TMEM132B: variants seen among roughly 807,000 people sequenced by gnomAD.
TMEM132B encodes transmembrane protein 132B.
Under a neutral mutation model 90.8 loss-of-function variants are expected in TMEM132B, and 18 were observed. The ratio of observed to expected loss-of-function variants is 0.20; its 90% CI spans 0.14 to 0.29. The LOEUF (loss-of-function observed/expected upper bound fraction) is 0.29, where lower values mean the gene tolerates loss of function less well. Among genes scored for constraint, TMEM132B ranks in the 10% least tolerant of loss-of-function variants. The probability of loss-of-function intolerance (pLI) is 1.00; values close to 1 mark genes in which losing one functional copy is unlikely to be tolerated. For missense variants in TMEM132B, 1,096 were observed against 1,326.8 expected, an observed-to-expected ratio of 0.83 and a Z score of 2.70; for synonymous variants, 504 against 523.3, an observed-to-expected ratio of 0.96 and a Z score of 0.50.
rs1881225057 is a variant in TMEM132B at position 125,454,079 on chromosome 12, A to G, written c.1106+38402A>G. Among the ~76,000 whole-genome samples the G allele has an allele frequency of 2.6e-5, 4 of 152,094 alleles. No individual in the cohort carries two copies. In the South Asian group the frequency reaches 8.3e-4, roughly 32 times the overall value. On this transcript the variant is annotated intron_variant, in intron 3 of 8. Transcript: ENST00000682704. ...GAGCTTTCAAGTAGGGCCCGTTTTA[A>G]CAGAGATTTCTGGGCTCTGGCTTAG...
intron 3 of TMEM132B, among the ~76,000 whole-genome samples, chr12:125,502,732 C>T (rs577961884): frequency 6.6e-5 from 10 of 152,314 alleles, no homozygotes; most frequent in East Asian, 3.9e-4. Flanking sequence ...GAAGAGCTCA[C>T]GGTTGATCCC....
intron 4 of TMEM132B, among the ~76,000 whole-genome samples, chr12:125,551,694 C>T (rs1047027978): frequency 6.6e-6 from 1 of 151,374 alleles, no homozygotes; most frequent in Non-Finnish European, 1.5e-5. Flanking sequence ...ATAAAATATC[C>T]TCAAGTTCAG....
intron 2 of TMEM132B, among the ~76,000 whole-genome samples, chr12:125,351,579 T>G (rs887826434): frequency 6.6e-6 from 1 of 152,058 alleles, no homozygotes; most frequent in Non-Finnish European, 1.5e-5. Flanking sequence ...TATAAAGAAA[T>G]GTTAACTAGG....
chr12:125,329,593 C>T (rs897834313), intron 1 of TMEM132B, among the ~76,000 whole-genome samples: 1 of 152,182 alleles, frequency 6.6e-6, no homozygotes, highest in Non-Finnish European at 1.5e-5. Context: ...TTGGCTGGAA[C>T]GAGATGGGAC....
intron 3 of TMEM132B, among the ~76,000 whole-genome samples, chr12:125,423,678 A>G (rs1215372922): frequency 6.6e-6 from 1 of 152,230 alleles, no homozygotes; most frequent in Non-Finnish European, 1.5e-5. Flanking sequence ...TAGAAAATAC[A>G]ATTGGGTAAA....
At chr12:125,588,126 T>C (rs769259270) in intron 5 of TMEM132B, 2 of 152,184 alleles carry the variant, frequency 1.3e-5, no homozygotes, top group Non-Finnish European at 2.9e-5. Context: ...TAGTGAGTTC[T>C]TTGGTTGAGC....
intron 5 of TMEM132B, among the ~76,000 whole-genome samples, chr12:125,619,954 C>T (rs1031837184): frequency 1.2e-4 from 18 of 152,160 alleles, no homozygotes; most frequent in Admixed American, 1.1e-3. Flanking sequence ...AATGGAGCAT[C>T]AGACTCTTCA....
chr12:125,361,698 G>A (rs530908823), intron 2 of TMEM132B, among the ~76,000 whole-genome samples: 4 of 152,316 alleles, frequency 2.6e-5, no homozygotes, highest in Admixed American at 2.6e-4. Context: ...GCTGACACTA[G>A]TTCCAAATGT....
At chr12:125,646,021 T>C (rs994200322) in intron 6 of TMEM132B, among the ~76,000 whole-genome samples, 1 of 152,172 alleles carries the variant, frequency 6.6e-6, no homozygotes, top group Non-Finnish European at 1.5e-5. Context: ...ATGAGGATCA[T>C]TGTAGAGAAA....
chr12:125,313,652 T>C (rs543364182), intron 1 of TMEM132B, among the ~76,000 whole-genome samples: 3 of 76,046 alleles, frequency 3.9e-5, no homozygotes, highest in African/African-American at 1.6e-4. Flanking sequence ...CTCCCCCACC[T>C]TTCCTTTCAC....
At chr12:125,578,918 C>T (rs774350168) in intron 4 of TMEM132B, among the ~76,000 whole-genome samples, 1 of 152,000 alleles carries the variant, frequency 6.6e-6, no homozygotes, top group South Asian at 2.1e-4. Flanking sequence ...TATCTAGGTG[C>T]GGATCTCTCT....
At chr12:125,368,298 C>T (rs1878192366) in intron 2 of TMEM132B, among the ~76,000 whole-genome samples, 1 of 152,126 alleles carries the variant, frequency 6.6e-6, no homozygotes, top group Non-Finnish European at 1.5e-5. Flanking sequence ...AGAAATGATA[C>T]TGTGTTCTTG....
chr12:125,347,674 T>C (rs939530648), intron 1 of TMEM132B, among the ~76,000 whole-genome samples: 2 of 152,224 alleles, frequency 1.3e-5, no homozygotes, highest in African/African-American at 4.8e-5. Flanking sequence ...CCATTTCTTC[T>C]TGCACTGGTT....
At chr12:125,314,809 A>T (rs1384003953) in intron 1 of TMEM132B, among the ~76,000 whole-genome samples, 1 of 152,204 alleles carries the variant, frequency 6.6e-6, no homozygotes, top group Non-Finnish European at 1.5e-5. Context: ...TTCAGAAATT[A>T]GAATAAAGAT....
chr12:125,292,432 G>T (rs376636449), intron 1 of TMEM132B, among the ~76,000 whole-genome samples: 2 of 152,226 alleles, frequency 1.3e-5, no homozygotes, highest in East Asian at 3.8e-4. Context: ...ATTTTGTACT[G>T]CATTGGTTGA....
chr12:125,526,309 A>T (rs1311953270), intron 4 of TMEM132B, among the ~76,000 whole-genome samples: 1 of 152,218 alleles, frequency 6.6e-6, no homozygotes, highest in Non-Finnish European at 1.5e-5. Context: ...AGGGGTTGTC[A>T]CTATCAGGAA....
At chr12:125,310,340 G>A (rs1876093629) in intron 1 of TMEM132B, among the ~76,000 whole-genome samples, 1 of 152,210 alleles carries the variant, frequency 6.6e-6, no homozygotes, top group African/African-American at 2.4e-5. Context: ...CAGAGGTGGT[G>A]GTGTGGATGG....
chr12:125,540,116 G>C (rs1027045503), intron 4 of TMEM132B, among the ~76,000 whole-genome samples: 6 of 152,096 alleles, frequency 3.9e-5, no homozygotes, highest in African/African-American at 1.4e-4. Context: ...ATGTTTGGGG[G>C]CATTTTCCAG....
chr12:125,190,343 A>G (rs1957789583), intron 1 of TMEM132B, among the ~76,000 whole-genome samples: 1 of 151,964 alleles, frequency 6.6e-6, no homozygotes, highest in South Asian at 2.1e-4. Flanking sequence ...GTCAAATCCG[A>G]AAGTTAGAGA....
Sources: gnomAD v4.1 joint callset for allele counts (sites outside exome capture counted in the v4.1 genomes callset) on GRCh38, gnomAD v4.1.1 for gene constraint, MANE v1.5 for transcripts, NCBI Gene and HGNC (gene_info 2026-07-23, HGNC 2026-07-21) for gene names.